Variants in SLC5A5 observed in about 807,000 individuals in gnomAD.
SLC5A5 encodes sodium/iodide cotransporter.
In SLC5A5, 56 loss-of-function variants were observed where a neutral mutation model predicts 68.6. That is an observed-to-expected ratio of 0.82 (90% CI 0.66 to 1.02). SLC5A5 has a LOEUF of 1.02. Among genes scored for constraint, SLC5A5 ranks in the 50% least tolerant of loss-of-function variants. The pLI, the probability that SLC5A5 is intolerant of heterozygous loss-of-function variation, is 0.00. For missense variants in SLC5A5, 807 were observed against 859.8 expected (o/e 0.94, Z 0.77); for synonymous variants, 398 against 373.0 (o/e 1.07, Z -0.77).
intron 12 of SLC5A5, 30 bp downstream of exon 12, chr19:17,884,076 C>T (rs532494380): frequency 7.2e-5 from 110 of 1,522,068 alleles, no homozygotes; most frequent in Non-Finnish European, 9.6e-5. Flanking sequence ...GGGGGGTACC[C>T]GAGCCCTGGA....
At chr19:17,880,816 G>A (rs373729132) in intron 7 of SLC5A5, 49 bp from the exon 8 acceptor site, 29 of 1,388,978 alleles carry the variant, frequency 2.1e-5, no homozygotes, top group African/African-American at 5.7e-5. Flanking sequence ...TAGATGCCCC[G>A]GTCCTCGGGG....
rs78983405 is a variant in SLC5A5, at chr19:17,882,840, C to T, written c.1242+621C>T. ...CTGGGACTACAAGCGCCCGCCACCACGCCTGACTAATTTTTTGTATTTTTA... is the reference window on the plus strand; with the variant it reads ...CTGGGACTACAAGCGCCCGCCACCATGCCTGACTAATTTTTTGTATTTTTA... On this transcript the variant is annotated intron_variant, in intron 10 of 14. Coordinates refer to ENST00000222248, the MANE Select transcript of SLC5A5 (RefSeq NM_000453.3). Among the ~76,000 whole-genome samples, 89 of 152,262 alleles carry T rather than the reference C, an allele frequency of 5.8e-4. 1 individual carries two copies. The East Asian group carries it at 0.016, about 28-fold the overall frequency.
chr19:17,878,588 G>A (rs532313267), intron 7 of SLC5A5, among the ~76,000 whole-genome samples: 28 of 152,202 alleles, frequency 1.8e-4, no homozygotes, highest in African/African-American at 6.3e-4. Flanking sequence ...GCAATGGACC[G>A]CCCTCAGTAG....
intron 13 of SLC5A5, among the ~76,000 whole-genome samples, chr19:17,889,398 AAAAG>A (rs551408010): frequency 8.5e-5 from 10 of 117,440 alleles, no homozygotes; most frequent in East Asian, 2.9e-4. Flanking sequence ...GACTCCATCT[AAAAG>A]AAAGAAAGAA....
chr19:17,889,069 A>G, intron 13 of SLC5A5, among the ~76,000 whole-genome samples: 1 of 150,908 alleles, frequency 6.6e-6, no homozygotes, highest in East Asian at 1.9e-4. Flanking sequence ...ATATATACAT[A>G]AAAGAAAGTG....
At chr19:17,883,441 C>A (rs1264368094) in intron 10 of SLC5A5, among the ~76,000 whole-genome samples, 3 of 151,660 alleles carry the variant, frequency 2.0e-5, no homozygotes, top group South Asian at 4.2e-4. Flanking sequence ...GAAAGGGTCT[C>A]CCTGGCTTGA....
rs144973943 is a variant in SLC5A5 at position 17,890,789 on chromosome 19, A to C, written c.1652-97A>C. On this transcript the variant is annotated intron_variant, in intron 13 of 14. Coordinates refer to ENST00000222248, the MANE Select transcript of SLC5A5 (RefSeq NM_000453.3). ...GACTGGAGCCTGTTAGACTTCATAG[A>C]CCAGGGATCTCCTTTCTCCTTCCCA... The C allele has an allele frequency of 2.3e-3, 1,959 of 863,626 alleles. 16 individuals are homozygous for C. The highest frequency in any genetic ancestry group is 0.018 in the African/African-American group (1,118 of 60,762). 53.5% of individuals were successfully genotyped at this position (863,626 alleles called of 1,614,324 possible).
chr19:17,882,051 G>C lies in SLC5A5; in HGVS notation c.1150G>C (p.Val384Leu), dbSNP rs200231414. Residue 384 changes from valine to leucine, a missense_variant, in exon 9 of 15, where the codon GTG (valine) becomes CTG (leucine). Transcript: ENST00000222248. ...GCGGAGCCTGGCACCCAGGAAACTC[G>C]TGATTATCTCCAAGGGGCTCTGTGA... is the stretch of plus-strand genomic sequence containing the variant. ...RLRSLAPRKL[V>L]IISKGLSLIY... The C allele has an allele frequency of 9.9e-6, 16 of 1,614,062 alleles. No individual in the cohort carries two copies. In the Admixed American group the frequency reaches 1.7e-4, roughly 17 times the overall value.
intron 8 of SLC5A5, among the ~76,000 whole-genome samples, chr19:17,881,503 G>C (rs1468484648): frequency 6.6e-6 from 1 of 152,204 alleles, no homozygotes. Context: ...CTGACCTCAG[G>C]TGATCTGCAT....
intron 14 of SLC5A5, 57 bp downstream of exon 14, chr19:17,891,058 AC>A: frequency 9.4e-7 from 1 of 1,069,354 alleles, no homozygotes; most frequent in Non-Finnish European, 1.5e-6. Context: ...TTAGGACGTG[AC>A]CACAGCTCAG....
chr19:17,876,054 C>A lies in SLC5A5; in HGVS notation c.646C>A (p.Pro216Thr). The change falls in exon 5 of 15, where the codon CCC becomes ACC. Residue 216 changes from proline to threonine, a missense_variant. Pro to Thr is a conservative substitution (Grantham distance 38). Coordinates refer to ENST00000222248, the MANE Select transcript of SLC5A5 (RefSeq NM_000453.3). ...LARGVMLVGG[P>T]RQVLTLAQNH... ...ACGCGGTGTCATGCTTGTGGGCGGG[C>A]CCCGCCAGGTGCTCACGCTGGCCCA... 2 of 1,614,158 alleles carry A rather than the reference C, an allele frequency of 1.2e-6. No individual in the cohort carries two copies. The highest frequency in any genetic ancestry group is 2.2e-5 in the South Asian group (2 of 91,086).
At chr19:17,886,570 G>T (rs574648003) in intron 12 of SLC5A5, among the ~76,000 whole-genome samples, 5 of 152,040 alleles carry the variant, frequency 3.3e-5, no homozygotes, top group African/African-American at 4.8e-5. Flanking sequence ...GGCCTCCCAG[G>T]GTGTTAGGAT....
At chr19:17,889,456 GA>G in intron 13 of SLC5A5, among the ~76,000 whole-genome samples, 2 of 129,426 alleles carry the variant, frequency 1.5e-5, no homozygotes, top group African/African-American at 8.6e-5. Context: ...GAGAAAGAGA[GA>G]GAGAGAGAAG....
In SLC5A5 at chr19:17,883,833, G is replaced by T. The variant is rs377367737; in HGVS notation, c.1330-17G>T. On this transcript the variant is annotated splice_polypyrimidine_tract_variant and intron_variant, in intron 11 of 14. Coordinates refer to ENST00000222248, the MANE Select transcript of SLC5A5 (RefSeq NM_000453.3). Reference sequence around the variant, plus strand: ...GGACAGGCCCCTCCCCTTCCCTGACGCCGGCTCTGCCCCCAGGGCGTCCTC... The same window carrying T: ...GGACAGGCCCCTCCCCTTCCCTGACTCCGGCTCTGCCCCCAGGGCGTCCTC... The T allele has an allele frequency of 8.7e-4, 1,400 of 1,603,474 alleles. 7 individuals carry two copies. The highest frequency in any genetic ancestry group is 7.5e-3 in the South Asian group (679 of 90,402).
rs1055928965 is a variant in SLC5A5, at chr19:17,872,615, T to G, written c.296T>G (p.Val99Gly). 9.3e-6 allele frequency: 15 copies of G among 1,612,038 alleles called. No individual in the cohort carries two copies. Among genetic ancestry groups the G allele is most frequent in the Non-Finnish European group, 1.2e-5 (14 of 1,179,842 alleles). The change falls in exon 1 of 15, where the codon GTC becomes GGC. Residue 99 changes from valine (V) to glycine (G), a missense_variant. Val to Gly is a moderately radical substitution (Grantham distance 109). Transcript: ENST00000222248. ...WMCLGQLLNSVLTALLFMPVF... is the reference protein window; with the variant it reads ...WMCLGQLLNSGLTALLFMPVF... ...TGCCTGGGCCAGCTTCTGAACTCGG[T>G]CCTCACCGCCCTGCTCTTCATGCCC...
intron 8 of SLC5A5, among the ~76,000 whole-genome samples, chr19:17,881,384 A>G (rs904924264): frequency 2.0e-5 from 3 of 151,922 alleles, no homozygotes; most frequent in Non-Finnish European, 4.4e-5. Flanking sequence ...CTCCTGCCTC[A>G]GCCTCCCAAG....
At chr19:17,876,813 G>C (rs1412226898) in intron 5 of SLC5A5, among the ~76,000 whole-genome samples, 2 of 151,560 alleles carry the variant, frequency 1.3e-5, no homozygotes, top group Non-Finnish European at 2.9e-5. Context: ...AGTGAGCCGA[G>C]ATGGCATCAC....
At position 17,894,143 on chromosome 19, in the gene SLC5A5, CTTTT is replaced by C. The variant is rs772763011; in HGVS notation, c.*285_*288del. On this transcript the variant is annotated 3_prime_UTR_variant, in exon 15 of 15. Transcript: ENST00000222248. ...AATAAGGCTGGGTTTTTCTCTCTCT[CTTTT>C]TTTTTTTTTTTTTTTTTTGAGACAG... 9.1e-3 allele frequency: 2,366 copies of C among 259,032 alleles called. No individual in the cohort carries two copies. Among genetic ancestry groups the C allele is most frequent in the South Asian group, 0.018 (489 of 27,174 alleles). 16.0% of individuals were successfully genotyped at this position (259,032 alleles called of 1,614,324 possible). A position where few individuals can be genotyped will look rare whatever the true frequency, so the allele number is the denominator to read the frequency against.
Position 17,875,587 on chromosome 19 carries a change from A to ACC in SLC5A5, c.544-357_544-356dup, listed in dbSNP as rs59128676. ...AGACCAGCCTAGGCAACATAGTGAG[A>ACC]CCCCCCCCCGCCCCCATCTCTACAA... is the stretch of plus-strand genomic sequence containing the variant. On this transcript the variant is annotated intron_variant, in intron 4 of 14. Coordinates refer to ENST00000222248, the MANE Select transcript of SLC5A5 (RefSeq NM_000453.3). 3.4e-3 allele frequency among the ~76,000 whole-genome samples: 500 copies of ACC among 144,974 alleles called. 4 individuals are homozygous for ACC. The highest frequency in any genetic ancestry group is 0.012 in the African/African-American group (444 of 38,022).
Sources: allele counts gnomAD v4.1 joint callset (sites outside exome capture counted in the v4.1 genomes callset), GRCh38; gene constraint gnomAD v4.1.1; transcripts MANE v1.5; gene names NCBI Gene and HGNC (gene_info 2026-07-23, HGNC 2026-07-21).